Variants in LITAF observed in about 807,000 individuals in gnomAD.
The protein encoded by LITAF is lipopolysaccharide induced TNF factor.
Under a neutral mutation model 14.5 loss-of-function variants are expected in LITAF, and 9 were observed. The ratio of observed to expected loss-of-function variants is 0.62; its 90% confidence interval spans 0.37 to 1.08. The LOEUF is 1.08. Ranked by LOEUF, LITAF falls within the 50% of genes least tolerant of loss-of-function variation. LITAF has a pLI of 0.01. For missense variants in LITAF, 206 were observed against 213.4 expected (o/e 0.97, Z 0.22); for synonymous variants, 98 against 88.2 (o/e 1.11, Z -0.62).
intron 1 of LITAF, among the ~76,000 whole-genome samples, chr16:11,560,651 T>C (rs2064347261): frequency 6.6e-6 from 1 of 151,622 alleles, no homozygotes; most frequent in African/African-American, 2.4e-5. Context: ...CTGCTCCTAA[T>C]ATACAGCAAA....
chr16:11,576,632 C>A (rs2064641211), intron 1 of LITAF, among the ~76,000 whole-genome samples: 1 of 151,356 alleles, frequency 6.6e-6, no homozygotes, highest in Non-Finnish European at 1.5e-5. Context: ...CGGTCCCAGG[C>A]TGCCAACAGT....
chr16:11,596,473 G>GGAGGA (rs1393312301), intron 1 of LITAF, among the ~76,000 whole-genome samples: 1 of 90,032 alleles, frequency 1.1e-5, no homozygotes, highest in African/African-American at 4.6e-5. Context: ...AGGAGGAAGA[G>GGAGGA]AGAAGTAAGG....
At chr16:11,568,739 C>T (rs1364210968) in intron 1 of LITAF, among the ~76,000 whole-genome samples, 3 of 143,784 alleles carry the variant, frequency 2.1e-5, no homozygotes, top group Admixed American at 1.4e-4. Flanking sequence ...GAATGCAGTG[C>T]CACGACCTCG....
chr16:11,603,217 T>C (rs1567260410), upstream of LITAF, among the ~76,000 whole-genome samples: 2 of 152,276 alleles, frequency 1.3e-5, no homozygotes, highest in African/African-American at 4.8e-5. Flanking sequence ...AATTCTGTAC[T>C]ATTTGTGTGT....
chr16:11,608,615 G>T (rs1046404553), intron 3 of LITAF, among the ~76,000 whole-genome samples: 3 of 152,242 alleles, frequency 2.0e-5, no homozygotes, highest in Non-Finnish European at 2.9e-5. Flanking sequence ...GATACGGGCT[G>T]CATCGTGGAT....
intron 3 of LITAF, among the ~76,000 whole-genome samples, chr16:11,608,800 T>A (rs1443744481): frequency 6.6e-6 from 1 of 152,060 alleles, no homozygotes; most frequent in East Asian, 1.9e-4. Flanking sequence ...CTGTCTCTAC[T>A]AAAAATACAA....
chr16:11,578,518 C>G (rs1567250014), intron 1 of LITAF, among the ~76,000 whole-genome samples: 1 of 152,154 alleles, frequency 6.6e-6, no homozygotes. Context: ...GCAACAAGAG[C>G]AAAACTCCAT....
rs200552184 is a variant in LITAF at position 11,619,574 on chromosome 16, G to GTT, written c.85+13957_85+13958dup. Reference sequence around the variant, plus strand: ...TATTCTACTTTCCCACTTTGTTTTTGTTTTTTTTTTTGGAGACAGTCTCAG... The same window carrying GTT: ...TATTCTACTTTCCCACTTTGTTTTTGTTTTTTTTTTTTTGGAGACAGTCTCAG... On this transcript the variant is annotated intron_variant, in intron 3 of 3. Transcript: ENST00000574848. Among the ~76,000 whole-genome samples the GTT allele has an allele frequency of 8.9e-4, 129 of 144,308 alleles. 1 individual carries two copies. The highest frequency in any genetic ancestry group is 2.9e-3 in the African/African-American group (116 of 39,696). The allele number at this position is 144,308 out of a possible 152,430, so 94.7% of individuals were successfully genotyped here. A position where few individuals can be genotyped will look rare whatever the true frequency, so the allele number is the denominator to read the frequency against.
rs116730322 is a variant in LITAF at position 11,626,131 on chromosome 16, C to G, written c.85+7402G>C. Among the ~76,000 whole-genome samples the G allele has an allele frequency of 9.6e-3, 1,459 of 152,164 alleles. 13 individuals are homozygous for G. Among genetic ancestry groups the G allele is most frequent in the African/African-American group, 0.033 (1,379 of 41,504 alleles). On this transcript the variant is annotated intron_variant, in intron 3 of 3. Coordinates refer to the LITAF transcript ENST00000574848. ...CCAATAAATGGTATGAATTAGTTCC[C>G]CTATGTTTGTGAGAAAGATCCCACT...
chr16:11,626,930 C>T (rs549868117), intron 3 of LITAF, among the ~76,000 whole-genome samples: 1 of 152,004 alleles, frequency 6.6e-6, no homozygotes, highest in African/African-American at 2.4e-5. Flanking sequence ...GCAGCCTCTA[C>T]CTCCCGGGCT....
chr16:11,604,264 T>A (rs1218667787), intron 3 of LITAF, among the ~76,000 whole-genome samples: 1 of 152,166 alleles, frequency 6.6e-6, no homozygotes, highest in African/African-American at 2.4e-5. Flanking sequence ...CTTGGTGGAT[T>A]TTAACTTGGA....
chr16:11,559,519 A>G (rs926869571), intron 1 of LITAF, among the ~76,000 whole-genome samples: 2 of 152,166 alleles, frequency 1.3e-5, no homozygotes, highest in Non-Finnish European at 2.9e-5. Flanking sequence ...TTAGCATTCA[A>G]TTTGGGATAG....
chr16:11,587,502 A>T, upstream of LITAF: 1 of 453,130 alleles, frequency 2.2e-6, no homozygotes. Context: ...AATGGGCACA[A>T]TAGCGGTCCT....
intron 1 of LITAF, chr16:11,575,679 G>A (rs185026480): frequency 9.5e-4 from 144 of 152,032 alleles, no homozygotes; most frequent in Non-Finnish European, 5.3e-4. Context: ...CCAACAACTC[G>A]CGGTCAGCGT....
chr16:11,619,364 T>A (rs2065036560), intron 3 of LITAF, among the ~76,000 whole-genome samples: 1 of 151,342 alleles, frequency 6.6e-6, no homozygotes, highest in East Asian at 1.9e-4. Context: ...AGAGGACACA[T>A]CTCCACATGG....
chr16:11,562,514 C>T (rs2064385842), intron 1 of LITAF, among the ~76,000 whole-genome samples: 2 of 152,164 alleles, frequency 1.3e-5, no homozygotes, highest in Non-Finnish European at 2.9e-5. Context: ...GAATCACTTT[C>T]ACATCTATAA....
intron 3 of LITAF, among the ~76,000 whole-genome samples, chr16:11,550,584 T>G (rs1220159078): frequency 6.6e-6 from 1 of 152,242 alleles, no homozygotes; most frequent in Admixed American, 6.5e-5. Context: ...TTGGGAGTCT[T>G]TCAAAGTCTT....
rs2065129229 is a variant in LITAF, at chr16:11,634,122, TCA to T, written c.-20-487_-20-486del. Among the ~76,000 whole-genome samples, 2 of 152,102 alleles carry T rather than the reference TCA, an allele frequency of 1.3e-5. No homozygotes were observed. ...GACATGAATACACATGTGCAGAGAC[TCA>T]TATGGGCACTTATACACACATGCAC... On this transcript the variant is annotated intron_variant, in intron 2 of 3. Transcript: ENST00000574848. This position sits in a 1 kb window ranked among gnomAD's most constrained non-coding sequence, Gnocchi z 4.1.
At chr16:11,600,352 G>A (rs1225547238), upstream of LITAF, among the ~76,000 whole-genome samples, 1 of 152,188 alleles carries the variant, frequency 6.6e-6, no homozygotes, top group Non-Finnish European at 1.5e-5. The surrounding 1 kb of genome is among the most constrained non-coding windows in gnomAD (Gnocchi z 4.1). Flanking sequence ...GGTCCCTGCT[G>A]GGAGGATAAA....
Sources: gnomAD v4.1 joint callset for allele counts (sites outside exome capture counted in the v4.1 genomes callset) on GRCh38, gnomAD v4.1.1 for gene constraint, Gnocchi (gnomAD v3.1) non-coding constraint, MANE v1.5 for transcripts, NCBI Gene and HGNC (gene_info 2026-07-23, HGNC 2026-07-21) for gene names.